The following PP2D1 variants were observed in gnomAD, a reference collection of about 807,000 sequenced individuals.
The protein encoded by PP2D1 is protein phosphatase 2C like domain containing 1.
In PP2D1, 25 loss-of-function variants were observed where a neutral mutation model predicts 30.2. The observed-to-expected ratio is 0.83, with a 90% CI of 0.60 to 1.16. The LOEUF (loss-of-function observed/expected upper bound fraction) is 1.16. Among genes scored for constraint, PP2D1 ranks in the 50% most tolerant of loss-of-function variants. PP2D1 has a pLI of 0.00. For missense variants in PP2D1, 760 were observed against 742.4 expected (o/e 1.02, Z -0.28); for synonymous variants, 260 against 258.9 (o/e 1.00, Z -0.04).
chr3:19,988,952 C>A (rs907870356), intron 2 of PP2D1, among the ~76,000 whole-genome samples: 1 of 152,016 alleles, frequency 6.6e-6, no homozygotes, highest in East Asian at 1.9e-4. Context: ...CGCCACTACA[C>A]TCCAGCCTGG....
chr3:20,001,291 A>G lies in PP2D1; in HGVS notation c.829T>C (p.Cys277Arg). 6.5e-7 allele frequency: 1 copy of G among 1,535,944 alleles called. No homozygotes were observed. The highest frequency in any genetic ancestry group is 8.7e-7 in the Non-Finnish European group (1 of 1,146,746). ...GCTTTGTGTGTGTCCTCATACTCAC[A>G]CCTCACTGCTTCTGTTTTGTTTATG... ...SAINKTEAVR[C>R]EYEDTHKAFA... The change falls in exon 2 of 3, where the codon TGT becomes CGT. Residue 277 changes from cysteine to arginine, a missense_variant. Cys to Arg is a radical substitution (Grantham distance 180). Transcript: ENST00000389050.
intron 1 of PP2D1, among the ~76,000 whole-genome samples, chr3:20,009,952 C>T (rs576657238): frequency 1.1e-4 from 16 of 152,164 alleles, no homozygotes; most frequent in East Asian, 9.7e-4. Context: ...CCCTCACCAA[C>T]GATTTTTTTT....
chr3:20,001,208 C>T lies in PP2D1; in HGVS notation c.912G>A (p.Val304=), dbSNP rs531852426. ...AGCAGCCACTCCATTGAACCCTGGA[C>T]ACTTCTTTTCTTCCAAGACCTAAAA... ...DRLLGLGRKE[V]SRVQWSGCSA... Residue 304 remains valine, a synonymous_variant, in exon 2 of 3, where the codon GTG becomes GTA. Transcript: ENST00000389050. 25 of 1,533,846 alleles carry T rather than the reference C, an allele frequency of 1.6e-5. No homozygotes were observed. The highest frequency in any genetic ancestry group is 2.0e-5 in the Non-Finnish European group (23 of 1,146,036).
downstream of PP2D1, chr3:19,985,196 CT>C (rs1209130911): frequency 3.6e-4 from 185 of 520,356 alleles, no homozygotes; most frequent in South Asian, 9.0e-4. Context: ...TTCTCTTTTC[CT>C]TTTTTTTGGC....
intron 2 of PP2D1, among the ~76,000 whole-genome samples, chr3:19,990,532 T>G (rs1324315193): frequency 6.6e-6 from 1 of 152,154 alleles, no homozygotes; most frequent in Non-Finnish European, 1.5e-5. Context: ...ACTATTTGTG[T>G]ATCTAACCCA....
intron 2 of PP2D1, among the ~76,000 whole-genome samples, chr3:19,997,178 G>A (rs1697191393): frequency 6.8e-6 from 1 of 147,572 alleles, no homozygotes; most frequent in South Asian, 2.2e-4. Context: ...GAGTCATGGG[G>A]AGCAGATCCC....
rs1697397821 is a variant in PP2D1 at position 20,012,249 on chromosome 3, G to A, written c.-177C>T. ...GGCATTCCCCTCACTTGATGGTAGA[G>A]CTCCCTGTGTGGAATGTTCACTACA... On this transcript the variant is annotated 5_prime_UTR_variant, in exon 1 of 3. Transcript: ENST00000389050. 1 of 610,892 alleles carries A rather than the reference G, an allele frequency of 1.6e-6. No homozygotes were observed. The highest frequency in any genetic ancestry group is 2.9e-6 in the Non-Finnish European group (1 of 344,832). 37.8% of individuals were successfully genotyped at this position (610,892 alleles called of 1,614,324 possible). A position where few individuals can be genotyped will look rare whatever the true frequency, so the allele number is the denominator to read the frequency against.
At chr3:19,982,956 A>C (rs145797380), downstream of PP2D1, among the ~76,000 whole-genome samples, 19 of 152,274 alleles carry the variant, frequency 1.2e-4, no homozygotes, top group East Asian at 3.7e-3. Flanking sequence ...TGTTTGTGGC[A>C]GTCTAGAGAA....
chr3:19,988,137 A>AG (rs1415036479), intron 2 of PP2D1, among the ~76,000 whole-genome samples: 2 of 152,242 alleles, frequency 1.3e-5, no homozygotes, highest in Non-Finnish European at 2.9e-5. Flanking sequence ...AAAAAAGAGC[A>AG]GGATAACAGC....
chr3:20,007,649 T>A (rs1228881274), intron 1 of PP2D1, among the ~76,000 whole-genome samples: 1 of 151,874 alleles, frequency 6.6e-6, no homozygotes, highest in Non-Finnish European at 1.5e-5. Context: ...ATGCCTGTAA[T>A]TCCAGCTACT....
At position 19,985,788 on chromosome 3, in the gene PP2D1, C is replaced by G; in HGVS notation, c.1485G>C (p.Leu495=). 1 of 1,536,048 alleles carries G rather than the reference C, an allele frequency of 6.5e-7. No homozygotes were observed. Among genetic ancestry groups the G allele is most frequent in the Non-Finnish European group, 8.7e-7 (1 of 1,146,868 alleles). The change falls in exon 3 of 3, where the codon CTG becomes CTC. Residue 495 remains leucine, a synonymous_variant. Coordinates refer to ENST00000389050, the MANE Select transcript of PP2D1 (RefSeq NM_001252657.2). The part of the protein sequence containing the change: ...IPNKSPSKGP[L]LFSTSEPNLT... ...GGTTTGGTTCACTGGTTGAAAAAAG[C>G]AGAGGCCCTTTGGATGGTGATTTGT...
chr3:19,983,773 G>A, downstream of PP2D1: 1 of 1,612,504 alleles, frequency 6.2e-7, no homozygotes. Context: ...AAGAGGAGTA[G>A]ACCTTACCGA....
Position 19,991,904 on chromosome 3 carries a change from G to C in PP2D1, c.1091-5722C>G, listed in dbSNP as rs186286190. Among the ~76,000 whole-genome samples the C allele has an allele frequency of 2.6e-5, 4 of 152,244 alleles. No individual in the cohort carries two copies. In the East Asian group the frequency reaches 7.7e-4, roughly 29 times the overall value. ...GTAGAATTACAGGCTTAAGATAGTA[G>C]GCAGTGGTAACTTGGAACTTAGGGA... On this transcript the variant is annotated intron_variant, in intron 2 of 2. Coordinates refer to ENST00000389050, the MANE Select transcript of PP2D1 (RefSeq NM_001252657.2).
chr3:19,987,422 T>C (rs1054074273), intron 2 of PP2D1, among the ~76,000 whole-genome samples: 1 of 152,206 alleles, frequency 6.6e-6, no homozygotes. Context: ...TAGAAAGTTA[T>C]TAAACTTCTG....
intron 2 of PP2D1, among the ~76,000 whole-genome samples, chr3:19,999,640 C>T (rs1304545608): frequency 3.3e-5 from 5 of 150,972 alleles, no homozygotes; most frequent in Non-Finnish European, 3.0e-5. Context: ...CCACCCACCT[C>T]GGCCTCCCAA....
At chr3:20,006,815 C>T (rs944114408) in intron 1 of PP2D1, among the ~76,000 whole-genome samples, 9 of 151,762 alleles carry the variant, frequency 5.9e-5, no homozygotes, top group Non-Finnish European at 1.2e-4. Flanking sequence ...CTTGCTCTGT[C>T]GCCCAGGCTG....
intron 2 of PP2D1, among the ~76,000 whole-genome samples, chr3:19,987,467 C>T (rs940642100): frequency 1.3e-5 from 2 of 152,018 alleles, no homozygotes; most frequent in Non-Finnish European, 2.9e-5. Context: ...ATTATAACAT[C>T]TTTGAGATTT....
chr3:20,003,248 A>T (rs1226479535), intron 1 of PP2D1, among the ~76,000 whole-genome samples: 1 of 152,018 alleles, frequency 6.6e-6, no homozygotes, highest in Non-Finnish European at 1.5e-5. Context: ...GAGGTATTCC[A>T]GAAGAAGGCA....
At position 19,996,059 on chromosome 3, in the gene PP2D1, C is replaced by T. The variant is rs559851150; in HGVS notation, c.1090+4971G>A. The stretch of plus-strand genomic sequence containing the variant: ...ACTAGGAAATCCAGGACAAACTAAA[C>T]TCAAAATTAATAGAAGCAAAAAAAA... On this transcript the variant is annotated intron_variant, in intron 2 of 2. Coordinates refer to ENST00000389050, the MANE Select transcript of PP2D1 (RefSeq NM_001252657.2). Among the ~76,000 whole-genome samples, 45 of 152,050 alleles carry T rather than the reference C, an allele frequency of 3.0e-4. 1 individual carries two copies. The highest frequency in any genetic ancestry group is 1.0e-3 in the African/African-American group (42 of 41,512).
Sources: gnomAD v4.1 joint callset for allele counts (sites outside exome capture counted in the v4.1 genomes callset) on GRCh38, gnomAD v4.1.1 for gene constraint, MANE v1.5 for transcripts, NCBI Gene and HGNC (gene_info 2026-07-23, HGNC 2026-07-21) for gene names.